The following DUT variants were observed in gnomAD, a reference collection of about 807,000 sequenced individuals.
DUT encodes deoxyuridine triphosphatase, also known as deoxyuridine 5'-triphosphate nucleotidohydrolase, mitochondrial.
Under a neutral mutation model 28.8 loss-of-function variants are expected in DUT, and 21 were observed. The observed-to-expected ratio is 0.73, with a 90% CI of 0.52 to 1.05. The LOEUF is 1.05. Ranked by LOEUF, DUT falls within the 50% of genes least tolerant of loss-of-function variation. The probability of loss-of-function intolerance (pLI) is 0.00; values close to 1 mark genes in which losing one functional copy is unlikely to be tolerated. For synonymous variants in DUT, 147 were observed against 143.7 expected, an observed-to-expected ratio of 1.02 and a Z score of -0.17; for missense variants, 344 against 351.8, an observed-to-expected ratio of 0.98 and a Z score of 0.18.
rs2042420257 is a variant in DUT, at chr15:48,332,090, C to T, written c.281-178C>T. 11 of 1,321,802 alleles carry T rather than the reference C, an allele frequency of 8.3e-6. No homozygotes were observed. The East Asian group carries it at 2.4e-4, about 29-fold the overall frequency. The allele number at this position is 1,321,802 out of a possible 1,614,324, so 81.9% of individuals were successfully genotyped here. A position where few individuals can be genotyped will look rare whatever the true frequency, so the allele number is the denominator to read the frequency against. ...GGCTTCAAACCCAAAATGTGAATCC[C>T]GCCTCCCCTCTCAGCCAGAACTGTG... is the stretch of plus-strand genomic sequence containing the variant. On this transcript the variant is annotated intron_variant, in intron 1 of 6. Transcript: ENST00000331200.
At chr15:48,336,486 A>C (rs1215517895) in intron 4 of DUT, among the ~76,000 whole-genome samples, 1 of 152,236 alleles carries the variant, frequency 6.6e-6, no homozygotes, top group Non-Finnish European at 1.5e-5. Flanking sequence ...TTGTTAAGAC[A>C]GTCCTCTGTG....
At position 48,331,793 on chromosome 15, in the gene DUT, C is replaced by T; in HGVS notation, c.278C>T (p.Pro93Leu). Residue 93 changes from proline to leucine, a missense_variant and splice_region_variant, in exon 1 of 7, where the codon CCG becomes CTG. Pro to Leu is a moderately conservative substitution (Grantham distance 98, BLOSUM62 -3). Coordinates refer to ENST00000331200, the MANE Select transcript of DUT (RefSeq NM_001025248.2). ...PKAGGSPAPG[P>L]ETPAISPSKR... Reference sequence around the variant, plus strand: ...GCGGGGGGAAGCCCGGCGCCGGGGCCGGGTAGGAAAGGCGGGGGAGGGGCT... The same window carrying T: ...GCGGGGGGAAGCCCGGCGCCGGGGCTGGGTAGGAAAGGCGGGGGAGGGGCT... 2.2e-6 allele frequency: 3 copies of T among 1,342,224 alleles called. No homozygotes were observed. The highest frequency in any genetic ancestry group is 1.8e-5 in the South Asian group (1 of 56,266). 83.1% of individuals were successfully genotyped at this position (1,342,224 alleles called of 1,614,324 possible). A position where few individuals can be genotyped will look rare whatever the true frequency, so the allele number is the denominator to read the frequency against.
In DUT at chr15:48,331,473, T is replaced by C; in HGVS notation, c.-43T>C. The C allele has an allele frequency of 6.2e-7, 1 of 1,606,808 alleles. No homozygotes were observed. The highest frequency in any genetic ancestry group is 8.5e-7 in the Non-Finnish European group (1 of 1,177,278). On this transcript the variant is annotated 5_prime_UTR_variant, in exon 1 of 7. Transcript: ENST00000331200. ...CTTCAGGGTGGAAGCCTGGCGCACGTCCGGAGGTGCCGAGGACCCAACCAG... is the reference window on the plus strand; with the variant it reads ...CTTCAGGGTGGAAGCCTGGCGCACGCCCGGAGGTGCCGAGGACCCAACCAG...
Position 48,331,772 on chromosome 15 carries a change from G to A in DUT, c.257G>A (p.Gly86Glu). Residue 86 changes from glycine (G) to glutamate (E), a missense_variant, in exon 1 of 7, where the codon GGG becomes GAG. Physicochemically the swap from Gly to Glu is moderately conservative, Grantham distance 98. Transcript: ENST00000331200. ...AGWKGELPKAGGSPAPGPETP... is the reference protein window; with the variant it reads ...AGWKGELPKAEGSPAPGPETP... The stretch of plus-strand genomic sequence containing the variant: ...TGGAAGGGCGAGCTTCCTAAGGCGG[G>A]GGGAAGCCCGGCGCCGGGGCCGGGT... The A allele has an allele frequency of 2.2e-6, 3 of 1,388,222 alleles. No individual in the cohort carries two copies. The highest frequency in any genetic ancestry group is 2.8e-6 in the Non-Finnish European group (3 of 1,076,406). 86.0% of individuals were successfully genotyped at this position (1,388,222 alleles called of 1,614,324 possible). A position where few individuals can be genotyped will look rare whatever the true frequency, so the allele number is the denominator to read the frequency against.
intron 3 of DUT, 52 bp from the exon 4 acceptor site, chr15:48,335,994 G>C (rs368983307): frequency 3.4e-6 from 5 of 1,454,298 alleles, no homozygotes; most frequent in Admixed American, 1.9e-5. Context: ...AGTTATCTCT[G>C]ATATAGCCCT....
At position 48,343,343 on chromosome 15, in the gene DUT, A is replaced by G. The variant is rs1465600268; in HGVS notation, c.*1265A>G. The stretch of plus-strand genomic sequence containing the variant: ...GGGCTATAAAATATTTCTGTTGTCA[A>G]TAAATTTTAAATGTTTTCCTGCTAA... On this transcript the variant is annotated 3_prime_UTR_variant, in exon 7 of 7. Transcript: ENST00000331200. The G allele has an allele frequency of 1.3e-5, 2 of 152,242 alleles. No individual in the cohort carries two copies. Among genetic ancestry groups the G allele is most frequent in the Admixed American group, 6.5e-5 (1 of 15,284 alleles). 9.4% of individuals were successfully genotyped at this position (152,242 alleles called of 1,614,324 possible).
intron 4 of DUT, chr15:48,340,009 G>C (rs755233093): frequency 2.0e-5 from 3 of 152,160 alleles, no homozygotes; most frequent in Non-Finnish European, 4.4e-5. Flanking sequence ...CTTAAAAAAT[G>C]GGGGGTGGGT....
Position 48,342,299 on chromosome 15 carries a change from G to A in DUT, c.*221G>A. The A allele has an allele frequency of 3.3e-6, 1 of 303,154 alleles. No individual in the cohort carries two copies. The highest frequency in any genetic ancestry group is 5.0e-5 in the Admixed American group (1 of 19,942). The allele number at this position is 303,154 out of a possible 1,614,324, so 18.8% of individuals were successfully genotyped here. On this transcript the variant is annotated 3_prime_UTR_variant, in exon 7 of 7. Transcript: ENST00000331200. ...TGTGTTTGGATCAAAAAGAAACTTT[G>A]TTTTTCCGCAATTGAAGGTTGTATG...
At chr15:48,341,040 T>G (rs2042528922) in intron 4 of DUT, 2 of 332,652 alleles carry the variant, frequency 6.0e-6, no homozygotes, top group South Asian at 1.3e-4. Flanking sequence ...CAGCTTAAAA[T>G]AGGAAATGGT....
chr15:48,339,553 A>G (rs572916975), intron 4 of DUT, among the ~76,000 whole-genome samples: 4 of 152,220 alleles, frequency 2.6e-5, no homozygotes, highest in South Asian at 2.1e-4. Flanking sequence ...TTTTTTCCAT[A>G]TAGATAATAT....
intron 4 of DUT, among the ~76,000 whole-genome samples, chr15:48,336,333 GTAAT>G (rs981279405): frequency 2.6e-5 from 4 of 152,054 alleles, no homozygotes; most frequent in Non-Finnish European, 5.9e-5. Context: ...TAATAATTAA[GTAAT>G]TATTTAAGCA....
rs370242497 is a variant in DUT, at chr15:48,338,993, C to T, written c.557-2296C>T. On this transcript the variant is annotated intron_variant, in intron 4 of 6. Transcript: ENST00000331200. ...CTCTACAAGAAATACAAAAATTAGC[C>T]AGGTGTGGTGGTGCCTTTGTACCTG... is the stretch of plus-strand genomic sequence containing the variant. Among the ~76,000 whole-genome samples, 10 of 152,108 alleles carry T rather than the reference C, an allele frequency of 6.6e-5. No individual in the cohort carries two copies. In the East Asian group the frequency reaches 1.5e-3, roughly 24 times the overall value.
rs1384148936 is a variant in DUT, at chr15:48,341,381, A to G, written c.631+18A>G. The G allele has an allele frequency of 3.2e-6, 5 of 1,580,728 alleles. No individual in the cohort carries two copies. The Admixed American group carries it at 8.4e-5, about 26-fold the overall frequency. On this transcript the variant is annotated intron_variant, in intron 5 of 6. Coordinates refer to ENST00000331200, the MANE Select transcript of DUT (RefSeq NM_001025248.2). ...GTTTGAAGGTATGTTAAATATATAC[A>G]TTCACATAATTTTAGTGAATTTTCA...
At position 48,342,246 on chromosome 15, in the gene DUT, T is replaced by A; in HGVS notation, c.*168T>A. ...TTTTTATGATCAAGGAAAAGATCAT[T>A]AAAAAAAAACACAAAGAAGTTTTTC... is the stretch of plus-strand genomic sequence containing the variant. On this transcript the variant is annotated 3_prime_UTR_variant, in exon 7 of 7. Coordinates refer to ENST00000331200, the MANE Select transcript of DUT (RefSeq NM_001025248.2). 1 of 375,072 alleles carries A rather than the reference T, an allele frequency of 2.7e-6. No individual in the cohort carries two copies. The highest frequency in any genetic ancestry group is 4.8e-6 in the Non-Finnish European group (1 of 209,620). 23.2% of individuals were successfully genotyped at this position (375,072 alleles called of 1,614,324 possible).
chr15:48,340,479 G>C (rs1242462990), intron 4 of DUT, among the ~76,000 whole-genome samples: 1 of 152,132 alleles, frequency 6.6e-6, no homozygotes, highest in African/African-American at 2.4e-5. Flanking sequence ...AAGGCCCGGT[G>C]CACCTGTATT....
At chr15:48,332,025 G>T (rs2042418765) in intron 1 of DUT, 1 of 983,608 alleles carries the variant, frequency 1.0e-6, no homozygotes, top group African/African-American at 1.7e-5. Context: ...AGTTGACTGG[G>T]ACCCAGTAGT....
At chr15:48,333,328 C>G (rs565134228) in intron 2 of DUT, among the ~76,000 whole-genome samples, 2 of 152,236 alleles carry the variant, frequency 1.3e-5, no homozygotes, top group Admixed American at 1.3e-4. Context: ...AAACTACAGT[C>G]TCTTAATTTT....
chr15:48,340,485 G>C lies in DUT; in HGVS notation c.557-804G>C, dbSNP rs201891754. 7.9e-5 allele frequency among the ~76,000 whole-genome samples: 12 copies of C among 152,290 alleles called. No homozygotes were observed. In the East Asian group the frequency reaches 2.3e-3, roughly 29 times the overall value. On this transcript the variant is annotated intron_variant, in intron 4 of 6. Transcript: ENST00000331200. ...AAAAATGAAAAGGCCCGGTGCACCTGTATTATCTGTGCTTGTGCTTATGGA... is the reference window on the plus strand; with the variant it reads ...AAAAATGAAAAGGCCCGGTGCACCTCTATTATCTGTGCTTGTGCTTATGGA...
At chr15:48,331,891 G>A (rs1418349408) in intron 1 of DUT, 96 bp downstream of exon 1, 7 of 793,940 alleles carry the variant, frequency 8.8e-6, no homozygotes, top group Non-Finnish European at 3.5e-6. Flanking sequence ...CCTTCTGCGC[G>A]CGGGGGGCGG....
Sources: gnomAD v4.1 joint callset for allele counts (sites outside exome capture counted in the v4.1 genomes callset) on GRCh38, gnomAD v4.1.1 for gene constraint, MANE v1.5 for transcripts, NCBI Gene and HGNC (gene_info 2026-07-23, HGNC 2026-07-21) for gene names.